The following GRM5 variants were observed in gnomAD, a reference collection of about 807,000 sequenced individuals.
GRM5 encodes glutamate metabotropic receptor 5.
In GRM5, 19 loss-of-function variants were observed where a neutral mutation model predicts 83.1. The observed-to-expected ratio is 0.23, with a 90% CI of 0.16 to 0.34. The LOEUF (loss-of-function observed/expected upper bound fraction) is 0.34, where lower values mean the gene tolerates loss of function less well. Ranked by LOEUF, GRM5 falls within the 10% of genes least tolerant of loss-of-function variation. The pLI is 1.00. For synonymous variants in GRM5, 675 were observed against 633.6 expected, an observed-to-expected ratio of 1.07 and a Z score of -0.98; for missense variants, 1,160 against 1,588.3, an observed-to-expected ratio of 0.73 and a Z score of 4.58.
chr11:89,018,491 C>G (rs868740896), intron 2 of GRM5, among the ~76,000 whole-genome samples: 1 of 152,120 alleles, frequency 6.6e-6, no homozygotes, highest in Non-Finnish European at 1.5e-5. Flanking sequence ...TTTATTTGTT[C>G]TAACATTGAT....
chr11:88,625,117 C>T (rs892854820), intron 4 of GRM5, among the ~76,000 whole-genome samples: 1 of 152,084 alleles, frequency 6.6e-6, no homozygotes, highest in East Asian at 1.9e-4. Flanking sequence ...GGACCTATTC[C>T]TCAGCCTCAG....
At chr11:88,566,855 C>T (rs1942887045) in intron 8 of GRM5, among the ~76,000 whole-genome samples, 198 bp downstream of exon 8, 1 of 152,084 alleles carries the variant, frequency 6.6e-6, no homozygotes, top group African/African-American at 2.4e-5. Context: ...TTCCATGTTT[C>T]TAGACTTGGC....
intron 4 of GRM5, among the ~76,000 whole-genome samples, chr11:88,628,842 A>G (rs1030374738): frequency 7.2e-5 from 11 of 152,210 alleles, no homozygotes; most frequent in Non-Finnish European, 1.6e-4. Flanking sequence ...TAAGTGACTC[A>G]GAGAGCCAAG....
chr11:88,757,301 G>A (rs1464045408), intron 3 of GRM5, among the ~76,000 whole-genome samples: 1 of 152,132 alleles, frequency 6.6e-6, no homozygotes, highest in East Asian at 1.9e-4. Flanking sequence ...GTAGATTTTT[G>A]CATTCCCTGT....
chr11:88,691,938 C>T (rs191758266), intron 3 of GRM5, among the ~76,000 whole-genome samples: 27 of 152,240 alleles, frequency 1.8e-4, no homozygotes, highest in African/African-American at 6.0e-4. Context: ...CAGGAAAGTC[C>T]GAAATACTTG....
chr11:88,840,768 G>C (rs12291675), intron 3 of GRM5, among the ~76,000 whole-genome samples: 3,876 of 152,204 alleles, frequency 0.025, 176 homozygotes, highest in African/African-American at 0.089. Context: ...CCCTAATCTA[G>C]AGGCTGAATT....
chr11:88,819,786 G>A (rs1356233310), intron 3 of GRM5, among the ~76,000 whole-genome samples: 1 of 152,128 alleles, frequency 6.6e-6, no homozygotes, highest in Admixed American at 6.6e-5. Context: ...AGGCTGGGCA[G>A]TCCAAGGTTC....
At chr11:88,732,613 T>C (rs1184810759) in intron 3 of GRM5, among the ~76,000 whole-genome samples, 1 of 152,102 alleles carries the variant, frequency 6.6e-6, no homozygotes, top group African/African-American at 2.4e-5. Flanking sequence ...AATTCTGATA[T>C]CAAAGTTTCT....
chr11:89,036,427 C>T (rs1941387614), intron 2 of GRM5, among the ~76,000 whole-genome samples: 1 of 152,050 alleles, frequency 6.6e-6, no homozygotes, highest in African/African-American at 2.4e-5. Context: ...TGAATTGAAA[C>T]ATCATTTATG....
chr11:88,995,634 T>G (rs538529330), intron 2 of GRM5, among the ~76,000 whole-genome samples: 1 of 151,972 alleles, frequency 6.6e-6, no homozygotes, highest in African/African-American at 2.4e-5. Flanking sequence ...GAATATATTC[T>G]TGGGCAAGGA....
chr11:88,795,746 A>C (rs1943263543), intron 3 of GRM5, among the ~76,000 whole-genome samples: 1 of 152,154 alleles, frequency 6.6e-6, no homozygotes, highest in Non-Finnish European at 1.5e-5. Flanking sequence ...AAGCAGCTGA[A>C]CTGAGTCCCA....
At chr11:88,548,728 A>C (rs1201684078) in intron 8 of GRM5, among the ~76,000 whole-genome samples, 1 of 152,212 alleles carries the variant, frequency 6.6e-6, no homozygotes, top group Non-Finnish European at 1.5e-5. Flanking sequence ...TATATTTAAA[A>C]AGTATATTAC....
chr11:88,845,951 A>G (rs1293535271), intron 3 of GRM5, among the ~76,000 whole-genome samples: 10 of 152,220 alleles, frequency 6.6e-5, no homozygotes, highest in Admixed American at 2.0e-4. Flanking sequence ...TTTGACTAGA[A>G]AAACTGTAAT....
chr11:88,677,016 T>C (rs976826360), intron 3 of GRM5, among the ~76,000 whole-genome samples: 4 of 152,054 alleles, frequency 2.6e-5, no homozygotes. Flanking sequence ...TGTGGAAGTA[T>C]GGTTAGAGTA....
chr11:89,006,930 T>A (rs528302412), intron 2 of GRM5, among the ~76,000 whole-genome samples: 1 of 152,296 alleles, frequency 6.6e-6, no homozygotes, highest in Non-Finnish European at 1.5e-5. Context: ...CCTGAGTAGC[T>A]GGGACTACAG....
chr11:88,855,214 T>C (rs1944453124), intron 2 of GRM5, among the ~76,000 whole-genome samples: 2 of 151,954 alleles, frequency 1.3e-5, no homozygotes, highest in Admixed American at 6.6e-5. Flanking sequence ...CAGACCCTGA[T>C]TCACTGCATA....
At chr11:88,714,410 C>T (rs1197567004) in intron 3 of GRM5, among the ~76,000 whole-genome samples, 1 of 151,754 alleles carries the variant, frequency 6.6e-6, no homozygotes, top group African/African-American at 2.4e-5. Context: ...ACATCTACAT[C>T]CATCTTTGGG....
At chr11:88,847,255 T>C (rs892042838) in intron 3 of GRM5, among the ~76,000 whole-genome samples, 35 of 152,228 alleles carry the variant, frequency 2.3e-4, no homozygotes, top group African/African-American at 8.2e-4. Flanking sequence ...TTATATGACC[T>C]TCTATCTAAC....
intron 2 of GRM5, among the ~76,000 whole-genome samples, chr11:88,959,722 G>C (rs563793406): frequency 6.6e-6 from 1 of 152,244 alleles, no homozygotes; most frequent in South Asian, 2.1e-4. Context: ...GACCTTAGTT[G>C]AGTCAGCCAG....
Sources: gnomAD v4.1 joint callset for allele counts (sites outside exome capture counted in the v4.1 genomes callset) on GRCh38, gnomAD v4.1.1 for gene constraint, MANE v1.5 for transcripts, NCBI Gene and HGNC (gene_info 2026-07-23, HGNC 2026-07-21) for gene names.